The following GRM3 variants were observed in gnomAD, a reference collection of about 807,000 sequenced individuals.
GRM3 encodes the protein metabotropic glutamate receptor 3.
GRM3 carries 26 observed loss-of-function variants against 70.5 expected under a neutral mutation model. The observed-to-expected ratio is 0.37, with a 90% CI of 0.27 to 0.51. The LOEUF is 0.51. Ranked by LOEUF, GRM3 falls within the 20% of genes least tolerant of loss-of-function variation. The probability of loss-of-function intolerance (pLI) is 0.93; values close to 1 mark genes in which losing one functional copy is unlikely to be tolerated. For synonymous variants in GRM3, 443 were observed against 434.9 expected, an observed-to-expected ratio of 1.02 and a Z score of -0.23; for missense variants, 859 against 1,123.8, an observed-to-expected ratio of 0.76 and a Z score of 3.37.
intron 1 of GRM3, among the ~76,000 whole-genome samples, chr7:86,764,185 G>A (rs1796546350): frequency 6.6e-6 from 1 of 152,090 alleles, no homozygotes; most frequent in South Asian, 2.1e-4. Context: ...CATTTAAGTG[G>A]TAGTTGAAAC....
At chr7:86,850,626 C>G in intron 5 of GRM3, 82 bp downstream of exon 5, 1 of 887,094 alleles carries the variant, frequency 1.1e-6, no homozygotes. Context: ...CAACACATGT[C>G]TGTCCCCATG....
chr7:86,680,683 G>A (rs1190966770), intron 1 of GRM3, among the ~76,000 whole-genome samples: 1 of 152,144 alleles, frequency 6.6e-6, no homozygotes, highest in Non-Finnish European at 1.5e-5. Flanking sequence ...TGCAGGGGAA[G>A]AATGATCCCA....
intron 2 of GRM3, among the ~76,000 whole-genome samples, chr7:86,779,381 G>T (rs2116496069): frequency 6.6e-6 from 1 of 152,152 alleles, no homozygotes; most frequent in South Asian, 2.1e-4. Flanking sequence ...ATTGCCTGCT[G>T]GTGGTCAGCT....
At chr7:86,726,846 C>T (rs1382329200) in intron 1 of GRM3, among the ~76,000 whole-genome samples, 1 of 152,134 alleles carries the variant, frequency 6.6e-6, no homozygotes, top group African/African-American at 2.4e-5. Context: ...GGTCAATCTC[C>T]GTCATTCAAG....
intron 3 of GRM3, among the ~76,000 whole-genome samples, chr7:86,818,158 T>G (rs775513575): frequency 2.7e-4 from 41 of 152,074 alleles, no homozygotes; most frequent in Non-Finnish European, 4.6e-4. Context: ...AGACCAGCTC[T>G]GCTTGTCATT....
At chr7:86,723,568 T>G (rs537082851) in intron 1 of GRM3, among the ~76,000 whole-genome samples, 10 of 152,126 alleles carry the variant, frequency 6.6e-5, no homozygotes, top group African/African-American at 2.2e-4. Context: ...ACCAAACGAG[T>G]TAAAAAACAA....
chr7:86,775,616 A>G (rs1399063877), intron 2 of GRM3, among the ~76,000 whole-genome samples: 1 of 152,116 alleles, frequency 6.6e-6, no homozygotes. Flanking sequence ...AAAGTTCAAA[A>G]TACTTATAAT....
At chr7:86,844,415 G>A (rs1037971065) in intron 4 of GRM3, among the ~76,000 whole-genome samples, 1 of 152,184 alleles carries the variant, frequency 6.6e-6, no homozygotes, top group African/African-American at 2.4e-5. Flanking sequence ...AAATGGAAGA[G>A]TGATTTGATA....
intron 3 of GRM3, among the ~76,000 whole-genome samples, chr7:86,798,503 A>G (rs916343215): frequency 2.0e-5 from 3 of 152,156 alleles, no homozygotes; most frequent in African/African-American, 7.2e-5. Context: ...TACTTTTCCC[A>G]TTTGAAATGG....
intron 1 of GRM3, among the ~76,000 whole-genome samples, chr7:86,715,368 A>G (rs1170839454): frequency 6.6e-6 from 1 of 152,036 alleles, no homozygotes; most frequent in Non-Finnish European, 1.5e-5. Context: ...TCTACCACTT[A>G]CTGACTCAAA....
chr7:86,688,387 A>G (rs1056965437), intron 1 of GRM3, among the ~76,000 whole-genome samples: 2 of 151,722 alleles, frequency 1.3e-5, no homozygotes, highest in Non-Finnish European at 3.0e-5. Context: ...GTAGAAGTGC[A>G]AAATATAAAG....
intron 1 of GRM3, among the ~76,000 whole-genome samples, chr7:86,679,305 C>T (rs924973288): frequency 2.0e-5 from 3 of 151,904 alleles, no homozygotes; most frequent in African/African-American, 7.3e-5. Context: ...TATACATACA[C>T]AAATATATTT....
chr7:86,748,825 C>A (rs1399172305), intron 1 of GRM3, among the ~76,000 whole-genome samples: 2 of 152,030 alleles, frequency 1.3e-5, no homozygotes, highest in African/African-American at 4.8e-5. Flanking sequence ...GAATACTTAT[C>A]TTCTCCTTTT....
chr7:86,710,222 A>G (rs1795161525), intron 1 of GRM3: 1 of 151,932 alleles, frequency 6.6e-6, no homozygotes, highest in Non-Finnish European at 1.5e-5. Flanking sequence ...AATATAGTCC[A>G]CTTATTTCTT....
At chr7:86,764,885 G>A (rs1377701904) in intron 1 of GRM3, 121 bp from the exon 2 acceptor site, 2 of 506,790 alleles carry the variant, frequency 3.9e-6, no homozygotes, top group Non-Finnish European at 6.5e-6. Flanking sequence ...GTGCTGTGGT[G>A]TACTGTGTGT....
At chr7:86,780,723 G>C (rs6970642) in intron 2 of GRM3, among the ~76,000 whole-genome samples, 44,558 of 151,968 alleles carry the variant, frequency 0.29, 7,120 homozygotes, top group African/African-American at 0.44. Flanking sequence ...TGCCCCCGTG[G>C]AAATTTCCCA....
intron 1 of GRM3, among the ~76,000 whole-genome samples, chr7:86,683,213 T>A (rs1480827731): frequency 2.0e-5 from 3 of 152,054 alleles, no homozygotes; most frequent in East Asian, 3.9e-4. Flanking sequence ...ACTGAGTAGA[T>A]GTAGATAAGC....
At position 86,721,062 on chromosome 7, in the gene GRM3, T is replaced by C. The variant is rs1362694031; in HGVS notation, c.-140-43944T>C. 2.6e-5 allele frequency among the ~76,000 whole-genome samples: 4 copies of C among 152,054 alleles called. No homozygotes were observed. In the South Asian group the frequency reaches 6.2e-4, roughly 24 times the overall value. The stretch of plus-strand genomic sequence containing the variant: ...GCCTCAGGCCCCAAAGGGAAGCTAA[T>C]ACTACCATATCACCTGCCTGGGCCG... On this transcript the variant is annotated intron_variant, in intron 1 of 5. Transcript: ENST00000361669.
Position 86,839,489 on chromosome 7 carries a change from C to T in GRM3, c.1975C>T (p.Leu659=), listed in dbSNP as rs377052357. The change falls in exon 4 of 6, where the codon CTG becomes TTG. Residue 659 remains leucine (L), a synonymous_variant. Transcript: ENST00000361669. The surrounding 1 kb of genome is among the most constrained non-coding windows in gnomAD (Gnocchi z 4.5). The stretch of plus-strand genomic sequence containing the variant: ...TTCCTTCGCTATCTGTTACTCAGCC[C>T]TGCTGACCAAGACAAACTGCATTGC... The part of the protein sequence containing the change: ...GSSFAICYSA[L]LTKTNCIARI... 3.1e-6 allele frequency: 5 copies of T among 1,610,210 alleles called. No homozygotes were observed. The African/African-American group carries it at 6.7e-5, about 22-fold the overall frequency.
Sources: allele counts gnomAD v4.1 joint callset (sites outside exome capture counted in the v4.1 genomes callset), GRCh38; gene constraint gnomAD v4.1.1; non-coding constraint Gnocchi (gnomAD v3.1); transcripts MANE v1.5; gene names NCBI Gene and HGNC (gene_info 2026-07-23, HGNC 2026-07-21).